The following KAZN variants were observed in gnomAD, a reference collection of about 807,000 sequenced individuals.
KAZN encodes the protein kazrin.
Under a neutral mutation model 87.4 loss-of-function variants are expected in KAZN, and 40 were observed. The observed-to-expected ratio is 0.46, with a 90% CI of 0.36 to 0.60. The LOEUF is 0.60. KAZN is among the 20% of genes least tolerant of loss of function. The probability of loss-of-function intolerance (pLI) is 0.00; values close to 1 mark genes in which losing one functional copy is unlikely to be tolerated. For synonymous variants in KAZN, 466 were observed against 458.3 expected (o/e 1.02, Z -0.22); for missense variants, 898 against 1,073.9 (o/e 0.84, Z 2.29).
At chr1:14,849,018 G>A (rs1485144284) in intron 1 of KAZN, among the ~76,000 whole-genome samples, 3 of 152,196 alleles carry the variant, frequency 2.0e-5, no homozygotes, top group African/African-American at 4.8e-5. Context: ...TGAGGTTGGG[G>A]GCCCCGGGAT....
intron 2 of KAZN, among the ~76,000 whole-genome samples, chr1:14,372,981 C>CA (rs1660622902): frequency 1.3e-5 from 2 of 152,054 alleles, no homozygotes; most frequent in Non-Finnish European, 2.9e-5. Flanking sequence ...CCTATGTAGA[C>CA]AGAGTAACCT....
At chr1:15,044,259 GGGT>G in intron 4 of KAZN, 100 bp downstream of exon 4, 3 of 861,786 alleles carry the variant, frequency 3.5e-6, no homozygotes, top group South Asian at 4.1e-5. Context: ...ACCTAGGGTG[GGGT>G]GGGTGGGGCA....
At chr1:13,930,592 C>T (rs1475784866) in intron 1 of KAZN, among the ~76,000 whole-genome samples, 1 of 152,188 alleles carries the variant, frequency 6.6e-6, no homozygotes, top group African/African-American at 2.4e-5. Context: ...GAAACAGACA[C>T]AGACCCAGTC....
intron 1 of KAZN, among the ~76,000 whole-genome samples, chr1:14,661,187 T>C (rs939834237): frequency 6.6e-6 from 1 of 152,198 alleles, no homozygotes; most frequent in Non-Finnish European, 1.5e-5. Flanking sequence ...GAGCAATTCT[T>C]GGGCCAACAG....
chr1:14,954,619 G>T (rs1044879781), intron 1 of KAZN, among the ~76,000 whole-genome samples: 11 of 152,210 alleles, frequency 7.2e-5, no homozygotes, highest in African/African-American at 2.7e-4. Flanking sequence ...GTGAAATGTG[G>T]CTAGAGAAAC....
intron 4 of KAZN, among the ~76,000 whole-genome samples, chr1:15,053,890 C>A (rs1354128295): frequency 6.6e-6 from 1 of 152,204 alleles, no homozygotes; most frequent in Non-Finnish European, 1.5e-5. Flanking sequence ...ATTTCTATTC[C>A]CTGGAAGCTG....
rs372305221 is a variant in KAZN, at chr1:13,982,367, G to A, written c.91+88611G>A. Among the ~76,000 whole-genome samples, 31 of 152,216 alleles carry A rather than the reference G, an allele frequency of 2.0e-4. 1 individual carries two copies. The highest frequency in any genetic ancestry group is 7.2e-4 in the Admixed American group (11 of 15,282). On this transcript the variant is annotated intron_variant, in intron 1 of 16. Transcript: ENST00000636203. ...TTTGTTCCTTCTGATGTTCGGATGT[G>A]TTCGGAGTTTCTTCCTTCTGGTGGG... is the stretch of plus-strand genomic sequence containing the variant.
At chr1:14,570,401 A>T (rs548146727) in intron 2 of KAZN, among the ~76,000 whole-genome samples, 3 of 152,080 alleles carry the variant, frequency 2.0e-5, no homozygotes, top group African/African-American at 7.2e-5. Context: ...CCTCCTCCCA[A>T]TTCCTATCCC....
At chr1:14,740,160 T>G (rs1041332537) in intron 1 of KAZN, among the ~76,000 whole-genome samples, 1 of 152,164 alleles carries the variant, frequency 6.6e-6, no homozygotes, top group South Asian at 2.1e-4. Context: ...AGGAGGCAAA[T>G]TGGTCCCTCC....
intron 2 of KAZN, among the ~76,000 whole-genome samples, chr1:14,392,059 A>AG (rs778473170): frequency 1.3e-4 from 19 of 146,944 alleles, no homozygotes. Context: ...TGATTCCAGC[A>AG]GGAACAACAG....
chr1:14,201,047 C>T (rs1646629524), intron 2 of KAZN, among the ~76,000 whole-genome samples: 1 of 152,098 alleles, frequency 6.6e-6, no homozygotes, highest in African/African-American at 2.4e-5. Context: ...CCTCTCCCGG[C>T]CCAATTTATC....
intron 1 of KAZN, among the ~76,000 whole-genome samples, chr1:14,065,175 C>T (rs1448211689): frequency 6.6e-6 from 1 of 152,194 alleles, no homozygotes. Context: ...TTGCAAAGCT[C>T]TCAGGAGGGG....
In KAZN at chr1:14,508,528, T is replaced by C. The variant is rs533652090; in HGVS notation, c.250-90455T>C. Among the ~76,000 whole-genome samples the C allele has an allele frequency of 4.6e-5, 7 of 152,322 alleles. No homozygotes were observed. In the East Asian group the frequency reaches 1.4e-3, roughly 29 times the overall value. ...TTTCAAATTTTTAAAGAAAATTCCCTACTAGACGGATAATAGTTTATGGCC... is the reference window on the plus strand; with the variant it reads ...TTTCAAATTTTTAAAGAAAATTCCCCACTAGACGGATAATAGTTTATGGCC... On this transcript the variant is annotated intron_variant, in intron 2 of 16. Coordinates refer to the KAZN transcript ENST00000636203.
At chr1:15,062,755 G>A (rs1246869741) in intron 6 of KAZN, 2 of 152,254 alleles carry the variant, frequency 1.3e-5, no homozygotes, top group African/African-American at 4.8e-5. Context: ...ATGTAGTGAA[G>A]GCTTTTGTAC....
chr1:14,056,666 G>A (rs767167164), intron 1 of KAZN, among the ~76,000 whole-genome samples: 8 of 152,184 alleles, frequency 5.3e-5, no homozygotes, highest in Non-Finnish European at 1.0e-4. Flanking sequence ...GTTCAGAGAG[G>A]TTCGGAGGTG....
At chr1:14,244,196 C>T (rs1020176058) in intron 2 of KAZN, among the ~76,000 whole-genome samples, 2 of 152,158 alleles carry the variant, frequency 1.3e-5, no homozygotes, top group Non-Finnish European at 2.9e-5. Context: ...CCTTGGGACA[C>T]CTGTGTTTCC....
At chr1:14,862,181 AC>A (rs1650937383) in intron 1 of KAZN, among the ~76,000 whole-genome samples, 1 of 152,216 alleles carries the variant, frequency 6.6e-6, no homozygotes, top group Non-Finnish European at 1.5e-5. Flanking sequence ...TGAGATTCGC[AC>A]AGATCTCAAA....
Position 14,169,608 on chromosome 1 carries a change from G to T in KAZN, c.92-10827G>T, listed in dbSNP as rs539071435. Among the ~76,000 whole-genome samples the T allele has an allele frequency of 2.6e-5, 4 of 152,254 alleles. No individual in the cohort carries two copies. The South Asian group carries it at 8.3e-4, about 32-fold the overall frequency. On this transcript the variant is annotated intron_variant, in intron 1 of 16. Transcript: ENST00000636203. The stretch of plus-strand genomic sequence containing the variant: ...TGCTACCTAGGGTGTCCATCCCCGA[G>T]GACTGTCCCCTGCAGCAGGGTCACC...
At chr1:14,252,295 A>T (rs1650115698) in intron 2 of KAZN, among the ~76,000 whole-genome samples, 1 of 152,212 alleles carries the variant, frequency 6.6e-6, no homozygotes, top group South Asian at 2.1e-4. Context: ...GCTGATGGAT[A>T]AACTTGGAGT....
Sources: allele counts gnomAD v4.1 joint callset (sites outside exome capture counted in the v4.1 genomes callset), GRCh38; gene constraint gnomAD v4.1.1; transcripts MANE v1.5; gene names NCBI Gene and HGNC (gene_info 2026-07-23, HGNC 2026-07-21).